Variants in MBNL3 observed in about 807,000 individuals in gnomAD.
The protein encoded by MBNL3 is muscleblind like splicing regulator 3.
A neutral mutation model predicts 24.5 loss-of-function variants in MBNL3; 6 were observed. The ratio of observed to expected loss-of-function variants is 0.25; its 90% confidence interval spans 0.13 to 0.48. The LOEUF is 0.48. Ranked by LOEUF, MBNL3 falls within the 20% of genes least tolerant of loss-of-function variation. The probability of loss-of-function intolerance (pLI) is 0.99; values close to 1 mark genes in which losing one functional copy is unlikely to be tolerated. For missense variants in MBNL3, 230 were observed against 293.5 expected (o/e 0.78, Z 1.58); for synonymous variants, 100 against 101.7 (o/e 0.98, Z 0.10).
rs778760330 is a variant in MBNL3 at position 132,392,326 on chromosome X, A to G, written c.351T>C (p.Phe117=). The G allele has an allele frequency of 3.3e-6, 4 of 1,194,108 alleles. No individual in the cohort carries two copies. Among genetic ancestry groups the G allele is most frequent in the Non-Finnish European group, 4.5e-6 (4 of 886,798 alleles). The change falls in exon 4 of 9, where the codon TTT becomes TTC. Residue 117 remains phenylalanine (F), a synonymous_variant. Transcript: ENST00000370853. ...QNAQMSSLGS[F]PMTPSIPANP... ...TAGCTGGAATTGATGGAGTCATAGGAAAAGAACCCTGTATGTTTAAAAGAG... is the reference window on the plus strand; with the variant it reads ...TAGCTGGAATTGATGGAGTCATAGGGAAAGAACCCTGTATGTTTAAAAGAG...
intron 2 of MBNL3, chrX:132,438,033 CA>C: frequency 4.6e-6 from 1 of 215,992 alleles, no homozygotes; most frequent in Non-Finnish European, 6.8e-6. Flanking sequence ...ATCTTTAATC[CA>C]AAAACCTGAA....
chrX:132,395,869 C>T (rs1938087954), intron 3 of MBNL3, among the ~76,000 whole-genome samples: 1 of 111,050 alleles, frequency 9.0e-6, no homozygotes, highest in East Asian at 2.8e-4. Flanking sequence ...CCACGACACT[C>T]ACCCCTGGTG....
chrX:132,399,538 C>T lies in MBNL3; in HGVS notation c.342+6690G>A, dbSNP rs762887456. 7.3e-5 allele frequency among the ~76,000 whole-genome samples: 8 copies of T among 110,331 alleles called. No individual in the cohort carries two copies. In the South Asian group the frequency reaches 3.1e-3, roughly 43 times the overall value. On this transcript the variant is annotated intron_variant, in intron 3 of 8. Transcript: ENST00000370853. ...ACTTTGTAATACACAAAGTAATTCACACCTTTTTATACACAAAGTAATTCA... is the reference window on the plus strand; with the variant it reads ...ACTTTGTAATACACAAAGTAATTCATACCTTTTTATACACAAAGTAATTCA...
intron 3 of MBNL3, among the ~76,000 whole-genome samples, chrX:132,396,511 C>CAT (rs1556295913): frequency 1.0e-4 from 5 of 50,079 alleles, no homozygotes; most frequent in African/African-American, 4.0e-4. Flanking sequence ...TATATATATT[C>CAT]ATATATATTC....
intron 1 of MBNL3, among the ~76,000 whole-genome samples, chrX:132,453,358 C>T (rs941800876): frequency 8.9e-6 from 1 of 111,751 alleles, no homozygotes; most frequent in Non-Finnish European, 1.9e-5. Context: ...ACTCAACGTA[C>T]TGTGGAAGAA....
intron 1 of MBNL3, among the ~76,000 whole-genome samples, chrX:132,478,229 T>C (rs914073943): frequency 5.4e-5 from 6 of 111,919 alleles, no homozygotes; most frequent in Admixed American, 9.5e-5. Context: ...CATCCGTTTT[T>C]GGCTTTTGTT....
At chrX:132,457,391 T>A (rs1946426152) in intron 1 of MBNL3, among the ~76,000 whole-genome samples, 1 of 110,839 alleles carries the variant, frequency 9.0e-6, no homozygotes, top group South Asian at 3.8e-4. Flanking sequence ...AGATTAAGAA[T>A]CATCTCAAAA....
chrX:132,378,439 C>G lies in MBNL3; in HGVS notation c.*1227G>C, dbSNP rs1391202792. On this transcript the variant is annotated 3_prime_UTR_variant, in exon 9 of 9. Coordinates refer to ENST00000370853, the MANE Select transcript of MBNL3 (RefSeq NM_001386889.1). The stretch of plus-strand genomic sequence containing the variant: ...GGGAAGTCCTCATTTGCAACCAATT[C>G]TCTTTCACCCTGACTGACTTTTGCT... 1 of 111,756 alleles carries G rather than the reference C, an allele frequency of 8.9e-6. No homozygotes were observed. Among genetic ancestry groups the G allele is most frequent in the Non-Finnish European group, 1.9e-5 (1 of 53,070 alleles). 9.2% of individuals were successfully genotyped at this position (111,756 alleles called of 1,213,427 possible).
intron 5 of MBNL3, among the ~76,000 whole-genome samples, chrX:132,387,906 A>G (rs1397228080): frequency 8.9e-6 from 1 of 111,918 alleles, no homozygotes; most frequent in East Asian, 2.8e-4. Flanking sequence ...TGTGCTTATA[A>G]TACTCCGTGA....
At chrX:132,451,516 C>T (rs1003558949) in intron 1 of MBNL3, among the ~76,000 whole-genome samples, 2 of 111,621 alleles carry the variant, frequency 1.8e-5, no homozygotes, top group Non-Finnish European at 3.8e-5. Flanking sequence ...GACACCCCTC[C>T]CCTCACAAAG....
chrX:132,481,790 T>C (rs1044780827), intron 1 of MBNL3, among the ~76,000 whole-genome samples: 6 of 111,381 alleles, frequency 5.4e-5, no homozygotes. Flanking sequence ...GGAGTTTCAG[T>C]TAGAAAGCAA....
chrX:132,459,749 C>CA (rs1214694649), intron 1 of MBNL3, among the ~76,000 whole-genome samples: 2 of 111,720 alleles, frequency 1.8e-5, no homozygotes, highest in African/African-American at 6.5e-5. Context: ...TTTAGAATCA[C>CA]AAAGACCTGA....
chrX:132,441,716 G>A (rs1945396645), intron 1 of MBNL3, among the ~76,000 whole-genome samples: 1 of 111,742 alleles, frequency 8.9e-6, no homozygotes, highest in African/African-American at 3.3e-5. Flanking sequence ...ATGGCAAACT[G>A]TCTGACAGTT....
In MBNL3 at chrX:132,396,345, C is replaced by CAT. The variant is rs60225920; in HGVS notation, c.343-4013_343-4012dup. On this transcript the variant is annotated intron_variant, in intron 3 of 8. Coordinates refer to ENST00000370853, the MANE Select transcript of MBNL3 (RefSeq NM_001386889.1). ...ATATTCATATATATTCATATATATT[C>CAT]ATATATATATATTCCTATATATATT... Among the ~76,000 whole-genome samples the CAT allele has an allele frequency of 7.0e-4, 55 of 78,133 alleles. 1 individual carries two copies. The South Asian group carries it at 0.015, about 22-fold the overall frequency. 67.8% of individuals were successfully genotyped at this position (78,133 alleles called of 115,157 possible). A position where few individuals can be genotyped will look rare whatever the true frequency, so the allele number is the denominator to read the frequency against.
rs890529316 is a variant in MBNL3, at chrX:132,406,212, T to C, written c.342+16A>G. On this transcript the variant is annotated intron_variant, in intron 3 of 8. Coordinates refer to ENST00000370853, the MANE Select transcript of MBNL3 (RefSeq NM_001386889.1). Reference sequence around the variant, plus strand: ...TGATCTTTATCGGCAATTTTCAAAATATAGCTGCGACTTACAAGTGATGAC... The same window carrying C: ...TGATCTTTATCGGCAATTTTCAAAACATAGCTGCGACTTACAAGTGATGAC... The C allele has an allele frequency of 4.1e-6, 5 of 1,208,807 alleles. No individual in the cohort carries two copies. Among genetic ancestry groups the C allele is most frequent in the Non-Finnish European group, 4.5e-6 (4 of 894,529 alleles).
chrX:132,441,559 A>T (rs1465398647), intron 1 of MBNL3, among the ~76,000 whole-genome samples: 1 of 112,279 alleles, frequency 8.9e-6, no homozygotes, highest in Non-Finnish European at 1.9e-5. Context: ...AAAGTATTTT[A>T]AAAATAACCT....
In MBNL3 at chrX:132,370,782, A is replaced by G. The variant is rs1385267550; in HGVS notation, c.*8884T>C. The G allele has an allele frequency of 3.6e-5, 4 of 111,600 alleles. 1 individual carries two copies. In the East Asian group the frequency reaches 8.5e-4, roughly 24 times the overall value. 9.2% of individuals were successfully genotyped at this position (111,600 alleles called of 1,213,427 possible). A position where few individuals can be genotyped will look rare whatever the true frequency, so the allele number is the denominator to read the frequency against. ...GGCCTGATAAGTTGCTATCATGAGGATTTTCCAGGGCCAGAGGCCACCATG... is the reference window on the plus strand; with the variant it reads ...GGCCTGATAAGTTGCTATCATGAGGGTTTTCCAGGGCCAGAGGCCACCATG... On this transcript the variant is annotated 3_prime_UTR_variant, in exon 9 of 9. Transcript: ENST00000370853.
chrX:132,384,425 G>A (rs1007161591), intron 7 of MBNL3, among the ~76,000 whole-genome samples: 2 of 112,047 alleles, frequency 1.8e-5, no homozygotes, highest in Non-Finnish European at 3.8e-5. Context: ...GCTGTTGTTA[G>A]GGTAGAAATA....
chrX:132,468,713 G>A (rs1431542381), intron 1 of MBNL3, among the ~76,000 whole-genome samples: 2 of 112,072 alleles, frequency 1.8e-5, no homozygotes, highest in Non-Finnish European at 3.8e-5. Flanking sequence ...TGCAGCAGAT[G>A]AGTGGAAGAG....
Sources: gnomAD v4.1 joint callset for allele counts (sites outside exome capture counted in the v4.1 genomes callset) on GRCh38, gnomAD v4.1.1 for gene constraint, MANE v1.5 for transcripts, NCBI Gene and HGNC (gene_info 2026-07-23, HGNC 2026-07-21) for gene names.